LIPG: variants seen among roughly 807,000 people sequenced by gnomAD.
The protein encoded by LIPG is endothelial lipase.
Under a neutral mutation model 51.8 loss-of-function variants are expected in LIPG, and 34 were observed. That is an observed-to-expected ratio of 0.66 (90% CI 0.50 to 0.87). The LOEUF (loss-of-function observed/expected upper bound fraction) is 0.87, where lower values mean the gene tolerates loss of function less well. Ranked by LOEUF, LIPG falls within the 40% of genes least tolerant of loss-of-function variation. The pLI, the probability that LIPG is intolerant of heterozygous loss-of-function variation, is 0.00. For synonymous variants in LIPG, 246 were observed against 246.1 expected (o/e 1.00, Z 0.00); for missense variants, 580 against 652.7 (o/e 0.89, Z 1.21).
In LIPG at chr18:49,572,730, TAAAAA is replaced by T. The variant is rs149836695; in HGVS notation, c.572-2621_572-2617del. Reference sequence around the variant, plus strand: ...TGGGCAACAGAGTGAGACCCTGTCTTAAAAAAAAAAAAAAAAAAAAAAGTAGCCGT... The same window carrying T: ...TGGGCAACAGAGTGAGACCCTGTCTTAAAAAAAAAAAAAAAAAGTAGCCGT... On this transcript the variant is annotated intron_variant, in intron 4 of 9. Transcript: ENST00000261292. Among the ~76,000 whole-genome samples, 130 of 130,862 alleles carry T rather than the reference TAAAAA, an allele frequency of 9.9e-4. 2 individuals are homozygous for T. In the South Asian group the frequency reaches 0.018, roughly 18 times the overall value. The allele number at this position is 130,862 out of a possible 152,430, so 85.9% of individuals were successfully genotyped here.
chr18:49,572,752 A>G (rs1214998310), intron 4 of LIPG, among the ~76,000 whole-genome samples: 1 of 132,376 alleles, frequency 7.6e-6, no homozygotes, highest in African/African-American at 2.8e-5. Context: ...AAAAAAAAAA[A>G]GTAGCCGTTG....
chr18:49,567,255 C>T (rs1600543777), intron 2 of LIPG, among the ~76,000 whole-genome samples, 187 bp from the exon 3 acceptor site: 1 of 151,882 alleles, frequency 6.6e-6, no homozygotes, highest in Non-Finnish European at 1.5e-5. Flanking sequence ...AGGATCACCT[C>T]AGCTCAGGAG....
rs551465253 is a variant in LIPG at position 49,569,596 on chromosome 18, C to T, written c.571+48C>T. 1.3e-5 allele frequency: 19 copies of T among 1,423,202 alleles called. 1 individual carries two copies. Among genetic ancestry groups the T allele is most frequent in the South Asian group, 4.7e-5 (4 of 85,364 alleles). 88.2% of individuals were successfully genotyped at this position (1,423,202 alleles called of 1,614,324 possible). A position where few individuals can be genotyped will look rare whatever the true frequency, so the allele number is the denominator to read the frequency against. On this transcript the variant is annotated intron_variant, in intron 4 of 9. Transcript: ENST00000261292. ...AAGGGCTCCCTCAGCTGCGCTAAGCCGGAATGCTCCCAAATGAGGCAGCAG... is the reference window on the plus strand; with the variant it reads ...AAGGGCTCCCTCAGCTGCGCTAAGCTGGAATGCTCCCAAATGAGGCAGCAG...
Position 49,565,497 on chromosome 18 carries a change from C to G in LIPG, c.278C>G (p.Thr93Arg). 1 of 1,614,156 alleles carries G rather than the reference C, an allele frequency of 6.2e-7. No individual in the cohort carries two copies. Among genetic ancestry groups the G allele is most frequent in the South Asian group, 1.1e-5 (1 of 91,082 alleles). ...AKTFFIIHGWTMSGIFENWLH... is the reference protein window; with the variant it reads ...AKTFFIIHGWRMSGIFENWLH... ...ACCTTTTTCATCATTCACGGATGGA[C>G]GGTGAGCCCGGGGAGGGAGCTCTGC... The change falls in exon 2 of 10, where the codon ACG becomes AGG. Residue 93 changes from threonine to arginine, a missense_variant and splice_region_variant. Coordinates refer to ENST00000261292, the MANE Select transcript of LIPG (RefSeq NM_006033.4).
Position 49,583,747 on chromosome 18 carries a change from G to C in LIPG, c.1349G>C (p.Arg450Pro). The C allele has an allele frequency of 6.2e-7, 1 of 1,613,388 alleles. No individual in the cohort carries two copies. Among genetic ancestry groups the C allele is most frequent in the Admixed American group, 1.7e-5 (1 of 59,968 alleles). Reference protein sequence around the residue: ...PGRELNIRRIRVKSGETQRKL... With the variant: ...PGRELNIRRIPVKSGETQRKL... ...CGGGAGCTGAATATCAGGCGCATCC[G>C]GGTGAAGTCTGGGGAAACCCAGCGG... Residue 450 changes from arginine (R) to proline (P), a missense_variant, in exon 8 of 10, where the codon CGG becomes CCG. Physicochemically the swap from Arg to Pro is moderately radical, Grantham distance 103 (BLOSUM62 -2). Transcript: ENST00000261292.
chr18:49,568,661 G>A (rs1309041277), intron 3 of LIPG, among the ~76,000 whole-genome samples: 2 of 151,924 alleles, frequency 1.3e-5, no homozygotes, highest in Admixed American at 6.6e-5. Context: ...GATTAGAGAC[G>A]TGAGCCACCG....
chr18:49,569,670 T>A (rs1393466104), intron 4 of LIPG, 122 bp downstream of exon 4: 3 of 842,882 alleles, frequency 3.6e-6, no homozygotes, highest in African/African-American at 3.4e-5. Flanking sequence ...AAGCATCTAA[T>A]TCAAAACTTC....
At chr18:49,575,671 A>G in intron 5 of LIPG, 81 bp downstream of exon 5, 1 of 1,108,164 alleles carries the variant, frequency 9.0e-7, no homozygotes, top group Admixed American at 1.9e-5. Context: ...TTAGCACTGC[A>G]GGCACTATTT....
intron 5 of LIPG, among the ~76,000 whole-genome samples, chr18:49,576,937 G>A (rs1169928981): frequency 6.6e-6 from 1 of 152,170 alleles, no homozygotes; most frequent in African/African-American, 2.4e-5. Context: ...AAATATCAGA[G>A]CACACAGATT....
Position 49,590,838 on chromosome 18 carries a change from G to A in LIPG, c.*316G>A. The A allele has an allele frequency of 2.1e-6, 1 of 471,202 alleles. No homozygotes were observed. The highest frequency in any genetic ancestry group is 4.1e-5 in the East Asian group (1 of 24,302). The allele number at this position is 471,202 out of a possible 1,614,324, so 29.2% of individuals were successfully genotyped here. A position where few individuals can be genotyped will look rare whatever the true frequency, so the allele number is the denominator to read the frequency against. The stretch of plus-strand genomic sequence containing the variant: ...TCGTGCACACTGGATTGGTTTCTCA[G>A]TTGCTGGGCGAGCCTGTACTCTGCC... On this transcript the variant is annotated 3_prime_UTR_variant, in exon 10 of 10. Coordinates refer to ENST00000261292, the MANE Select transcript of LIPG (RefSeq NM_006033.4).
At chr18:49,581,745 C>T (rs2084823241) in intron 6 of LIPG, 88 bp downstream of exon 6, 5 of 1,520,470 alleles carry the variant, frequency 3.3e-6, no homozygotes, top group Non-Finnish European at 4.5e-6. Context: ...ACATCCTAGC[C>T]CAGGAGAAGT....
chr18:49,571,287 A>G (rs1432450058), intron 4 of LIPG, among the ~76,000 whole-genome samples: 1 of 152,220 alleles, frequency 6.6e-6, no homozygotes, highest in Non-Finnish European at 1.5e-5. Flanking sequence ...TGTAGCACAC[A>G]CCACAGTCCA....
intron 5 of LIPG, among the ~76,000 whole-genome samples, chr18:49,578,229 G>T (rs1431831109): frequency 2.0e-5 from 3 of 148,124 alleles, no homozygotes; most frequent in Admixed American, 6.6e-5. Flanking sequence ...TCTCAGACGG[G>T]GCGGCTGCCG....
At chr18:49,577,940 C>G in intron 5 of LIPG, among the ~76,000 whole-genome samples, 1 of 116,012 alleles carries the variant, frequency 8.6e-6, no homozygotes, top group Non-Finnish European at 1.8e-5. Context: ...CGCCCCTCAC[C>G]TCCTGGACGG....
intron 3 of LIPG, 165 bp downstream of exon 3, chr18:49,567,786 G>A (rs1450319765): frequency 1.6e-5 from 11 of 670,972 alleles, no homozygotes; most frequent in Non-Finnish European, 2.7e-5. Context: ...ATACTTGAAA[G>A]CTGGGACTTT....
At position 49,562,135 on chromosome 18, in the gene LIPG, T is replaced by C. The variant is rs183634198; in HGVS notation, c.-174T>C. On this transcript the variant is annotated 5_prime_UTR_variant, in exon 1 of 10. Coordinates refer to ENST00000261292, the MANE Select transcript of LIPG (RefSeq NM_006033.4). ...GGGCAAGCCGTTGACACTCGCTCCC[T>C]GCCACCGCCCGGGCTCCGTGCCGCC... The C allele has an allele frequency of 1.3e-4, 195 of 1,465,232 alleles. 2 individuals are homozygous for C. Among genetic ancestry groups the C allele is most frequent in the Admixed American group, 1.7e-4 (7 of 41,268 alleles). 90.8% of individuals were successfully genotyped at this position (1,465,232 alleles called of 1,614,324 possible).
intron 8 of LIPG, 100 bp from the exon 9 acceptor site, chr18:49,586,646 T>A: frequency 1.2e-6 from 1 of 839,996 alleles, no homozygotes; most frequent in Admixed American, 1.9e-5. Flanking sequence ...GGCATGAAAA[T>A]TTCACCCCTG....
chr18:49,562,892 G>C (rs2148846381), intron 1 of LIPG, among the ~76,000 whole-genome samples: 1 of 152,308 alleles, frequency 6.6e-6, no homozygotes, highest in African/African-American at 2.4e-5. Context: ...AGCGTCTGGT[G>C]GGTCGCTTGT....
Position 49,581,520 on chromosome 18 carries a change from C to G in LIPG, c.899C>G (p.Ser300Cys). Residue 300 changes from serine to cysteine, a missense_variant, in exon 6 of 10, where the codon TCC becomes TGC. Physicochemically the swap from Ser to Cys is moderately radical, Grantham distance 112 (BLOSUM62 -1). Coordinates refer to ENST00000261292, the MANE Select transcript of LIPG (RefSeq NM_006033.4). Reference sequence around the variant, plus strand: ...AGTTTTGCCTTCCAGTGCACTGACTCCAATCGCTTCAAAAAGGGGATCTGT... The same window carrying G: ...AGTTTTGCCTTCCAGTGCACTGACTGCAATCGCTTCAAAAAGGGGATCTGT... ...KPSFAFQCTDSNRFKKGICLS... is the reference protein window; with the variant it reads ...KPSFAFQCTDCNRFKKGICLS... 1 of 1,614,176 alleles carries G rather than the reference C, an allele frequency of 6.2e-7. No individual in the cohort carries two copies.
Sources: allele counts gnomAD v4.1 joint callset (sites outside exome capture counted in the v4.1 genomes callset), GRCh38; gene constraint gnomAD v4.1.1; transcripts MANE v1.5; gene names NCBI Gene and HGNC (gene_info 2026-07-23, HGNC 2026-07-21).